CACNA1H: variants seen among roughly 807,000 people sequenced by gnomAD.
CACNA1H encodes voltage-dependent T-type calcium channel subunit alpha-1H.
CACNA1H carries 149 observed loss-of-function variants against 192.5 expected under a neutral mutation model. That is an observed-to-expected ratio of 0.77 (90% CI 0.68 to 0.89). CACNA1H has a LOEUF of 0.89. Among genes scored for constraint, CACNA1H ranks in the 40% least tolerant of loss-of-function variants. The pLI, the probability that CACNA1H is intolerant of heterozygous loss-of-function variation, is 0.00. For synonymous variants in CACNA1H, 2,202 were observed against 1,475.2 expected (o/e 1.49, Z -11.29); for missense variants, 4,257 against 3,423.5 (o/e 1.24, Z -6.08).
At position 1,211,527 on chromosome 16, in the gene CACNA1H, A is replaced by G; in HGVS notation, c.4397A>G (p.Asn1466Ser). The G allele has an allele frequency of 6.2e-7, 1 of 1,612,430 alleles. No homozygotes were observed. The change falls in exon 23 of 35, where the codon AAC (asparagine) becomes AGC (serine). Residue 1466 changes from asparagine (N) to serine (S), a missense_variant. Physicochemically the swap from Asn to Ser is conservative, Grantham distance 46 (BLOSUM62 1). Coordinates refer to ENST00000348261, the MANE Select transcript of CACNA1H (RefSeq NM_021098.3). ...TACTGCGAGGGCCCCGACACCAGGA[A>G]CATCTCCACCAAGGCACAGTGCCGG... ...FYYCEGPDTR[N>S]ISTKAQCRAA... is the part of the protein sequence containing the mutation.
At chr16:1,206,320 G>A (rs1441867133) in intron 12 of CACNA1H, 31 bp downstream of exon 12, 1 of 1,541,476 alleles carries the variant, frequency 6.5e-7, no homozygotes, top group African/African-American at 1.4e-5. Flanking sequence ...GGCCCGCCCA[G>A]TGTCTCACCC....
chr16:1,186,007 G>A (rs1182799878), intron 2 of CACNA1H, among the ~76,000 whole-genome samples: 4 of 123,140 alleles, frequency 3.2e-5, no homozygotes, highest in Non-Finnish European at 4.9e-5. Context: ...GTGAGTAGAC[G>A]GCGTGCGTAG....
intron 2 of CACNA1H, among the ~76,000 whole-genome samples, chr16:1,174,567 C>T (rs1242143844): frequency 1.3e-5 from 2 of 152,074 alleles, no homozygotes; most frequent in Admixed American, 1.3e-4. Flanking sequence ...GAAGGGAAGC[C>T]CCTGCCACGC....
rs185854353 is a variant in CACNA1H at position 1,208,147 on chromosome 16, G to A, written c.3289G>A (p.Ala1097Thr). 5.7e-6 allele frequency: 9 copies of A among 1,582,120 alleles called. No homozygotes were observed. The East Asian group carries it at 1.2e-4, about 21-fold the overall frequency. ...CAAGAGCTCACCATTCCTGGATGCA[G>A]CCCCCAGCCTCCCAGACTCTCGGCG... ...TPKSSPFLDA[A>T]PSLPDSRRGS... The change falls in exon 16 of 35, where the codon GCC becomes ACC. Residue 1097 changes from alanine (A) to threonine (T), a missense_variant. Coordinates refer to ENST00000348261, the MANE Select transcript of CACNA1H (RefSeq NM_021098.3).
intron 9 of CACNA1H, among the ~76,000 whole-genome samples, chr16:1,203,236 G>A (rs918151335): frequency 5.9e-5 from 9 of 152,188 alleles, no homozygotes; most frequent in East Asian, 3.9e-4. Context: ...AGAGGCACAC[G>A]GGCTCCAAAG....
At chr16:1,184,884 A>C (rs1382220650) in intron 2 of CACNA1H, among the ~76,000 whole-genome samples, 1 of 138,098 alleles carries the variant, frequency 7.2e-6, no homozygotes, top group Non-Finnish European at 1.5e-5. Flanking sequence ...TTCACGTACC[A>C]TGGGATTAGC....
chr16:1,177,096 C>G (rs1366593837), intron 2 of CACNA1H, among the ~76,000 whole-genome samples: 1 of 152,214 alleles, frequency 6.6e-6, no homozygotes, highest in Non-Finnish European at 1.5e-5. Flanking sequence ...ACTGACTTCA[C>G]AGGCTGCCAC....
intron 17 of CACNA1H, 142 bp from the exon 18 acceptor site, chr16:1,209,893 C>T (rs1391933551): frequency 4.5e-6 from 3 of 661,302 alleles, no homozygotes; most frequent in Middle Eastern, 4.0e-4. Flanking sequence ...AAAGCCAGAG[C>T]CCAAAGGCCA....
rs767709133 is a variant in CACNA1H at position 1,206,967 on chromosome 16, TCCACCCTCAACACGCCCCTGCCC to T, written c.2790-24_2790-2del. The T allele has an allele frequency of 2.3e-6, 2 of 888,344 alleles. No individual in the cohort carries two copies. The highest frequency in any genetic ancestry group is 1.7e-5 in the South Asian group (1 of 60,306). The allele number at this position is 888,344 out of a possible 1,614,324, so 55.0% of individuals were successfully genotyped here. A position where few individuals can be genotyped will look rare whatever the true frequency, so the allele number is the denominator to read the frequency against. On this transcript the variant is annotated splice_polypyrimidine_tract_variant and intron_variant, in intron 12 of 34. Transcript: ENST00000348261. ...TTCTTCCGCTCAGCACACCCCTGCC[TCCACCCTCAACACGCCCCTGCCC>T]CCACCCTCAGCATCCTGGGCATGCA...
At chr16:1,189,260 C>T (rs1041858018) in intron 2 of CACNA1H, among the ~76,000 whole-genome samples, 2 of 152,090 alleles carry the variant, frequency 1.3e-5, no homozygotes, top group Admixed American at 6.5e-5. Context: ...TGGGGAGGCC[C>T]AGCCCCTGGC....
Position 1,153,996 on chromosome 16 carries a change from AC to A in CACNA1H, c.260del (p.Thr87SerfsTer19). On this transcript the variant is annotated frameshift_variant, in exon 2 of 35. Coordinates refer to ENST00000348261, the MANE Select transcript of CACNA1H (RefSeq NM_021098.3). LOFTEE classifies it high-confidence loss of function. ...ATVFFCLGQT[T>X]RPRSWCLRLV... ...GGTCTTCTTCTGCCTCGGTCAGACC[AC>A]GCGGCCGCGCAGCTGGTGCCTCCGG... is the stretch of plus-strand genomic sequence containing the variant. The A allele has an allele frequency of 7.5e-7, 1 of 1,333,808 alleles. No homozygotes were observed. The highest frequency in any genetic ancestry group is 9.7e-7 in the Non-Finnish European group (1 of 1,029,540). 82.6% of individuals were successfully genotyped at this position (1,333,808 alleles called of 1,614,324 possible).
rs757234874 is a variant in CACNA1H, at chr16:1,209,262, C to T, written c.3594C>T (p.Ser1198=). Residue 1198 remains serine, a synonymous_variant, in exon 17 of 35, where the codon TCC becomes TCT. Coordinates refer to ENST00000348261, the MANE Select transcript of CACNA1H (RefSeq NM_021098.3). ...CCACCCCACTGCGGCGGGCCGAGTC[C>T]CTGGACCCACGGCCCCTGCGGCCGG... is the stretch of plus-strand genomic sequence containing the variant. ...PRATPLRRAE[S]LDPRPLRPAA... 6.4e-7 allele frequency: 1 copy of T among 1,550,794 alleles called. No individual in the cohort carries two copies. The highest frequency in any genetic ancestry group is 8.7e-7 in the Non-Finnish European group (1 of 1,151,958).
chr16:1,169,069 G>A (rs989691735), intron 2 of CACNA1H, among the ~76,000 whole-genome samples: 20 of 151,860 alleles, frequency 1.3e-4, no homozygotes, highest in Non-Finnish European at 1.9e-4. Context: ...GGCAACAGGA[G>A]ATGGAGGGAG....
intron 2 of CACNA1H, among the ~76,000 whole-genome samples, chr16:1,193,694 C>G (rs1966810091): frequency 1.3e-5 from 2 of 152,242 alleles, no homozygotes; most frequent in African/African-American, 2.4e-5. Flanking sequence ...TTACCGCACT[C>G]TTGGTGGGAA....
In CACNA1H at chr16:1,198,715, C is replaced by T. The variant is rs1241909759; in HGVS notation, c.744C>T (p.Gly248=). The T allele has an allele frequency of 5.6e-6, 9 of 1,613,194 alleles. No individual in the cohort carries two copies. Among genetic ancestry groups the T allele is most frequent in the Middle Eastern group, 1.6e-4 (1 of 6,080 alleles). ...FFVFFIFGIV[G]VQLWAGLLRN... ...TCTTCTTCATTTTCGGCATCGTTGG[C>T]GTCCAGCTCTGGGCTGGCCTCCTGC... Residue 248 remains glycine (G), a synonymous_variant, in exon 6 of 35, where the codon GGC becomes GGT. Coordinates refer to ENST00000348261, the MANE Select transcript of CACNA1H (RefSeq NM_021098.3).
At chr16:1,175,954 G>C (rs559161083) in intron 2 of CACNA1H, among the ~76,000 whole-genome samples, 24 of 152,188 alleles carry the variant, frequency 1.6e-4, no homozygotes, top group Non-Finnish European at 2.9e-4. Flanking sequence ...CAGTTCCTCC[G>C]TCTGGACCTG....
intron 2 of CACNA1H, among the ~76,000 whole-genome samples, chr16:1,192,849 C>T (rs947537220): frequency 6.6e-6 from 1 of 151,976 alleles, no homozygotes; most frequent in Non-Finnish European, 1.5e-5. Context: ...TGGAAATTGC[C>T]TGCTTTGGTA....
intron 14 of CACNA1H, 95 bp downstream of exon 14, chr16:1,207,525 G>A (rs1176187539): frequency 8.2e-6 from 11 of 1,345,326 alleles, no homozygotes; most frequent in South Asian, 6.5e-5. Flanking sequence ...CCTGCCAAGA[G>A]GTGAGGGATA....
chr16:1,219,577 C>T (rs1417028235), intron 34 of CACNA1H, among the ~76,000 whole-genome samples: 1 of 152,236 alleles, frequency 6.6e-6, no homozygotes, highest in Non-Finnish European at 1.5e-5. Flanking sequence ...CCTGCAGCCT[C>T]AGCTCCTCTT....
Sources: allele counts gnomAD v4.1 joint callset (sites outside exome capture counted in the v4.1 genomes callset), GRCh38; gene constraint gnomAD v4.1.1; transcripts MANE v1.5; gene names NCBI Gene and HGNC (gene_info 2026-07-23, HGNC 2026-07-21).